VSTM2B: variants seen among roughly 807,000 people sequenced by gnomAD.
The protein encoded by VSTM2B is V-set and transmembrane domain-containing protein 2B.
VSTM2B carries 24 observed loss-of-function variants against 24.0 expected under a neutral mutation model. That is an observed-to-expected ratio of 1.00 (90% confidence interval 0.72 to 1.40). The LOEUF (loss-of-function observed/expected upper bound fraction) is 1.40. Ranked by LOEUF, VSTM2B falls within the 40% of genes most tolerant of loss-of-function variation. VSTM2B has a pLI of 0.00. For missense variants in VSTM2B, 399 were observed against 416.4 expected (o/e 0.96, Z 0.36); for synonymous variants, 226 against 194.4 (o/e 1.16, Z -1.35).
At chr19:29,544,718 C>T (rs990538844) in intron 4 of VSTM2B, among the ~76,000 whole-genome samples, 1 of 152,050 alleles carries the variant, frequency 6.6e-6, no homozygotes, top group African/African-American at 2.4e-5. Flanking sequence ...ACTCTTGCAG[C>T]CCTGGGCTCC....
chr19:29,552,471 G>T (rs578119849), intron 4 of VSTM2B, among the ~76,000 whole-genome samples: 1 of 152,202 alleles, frequency 6.6e-6, no homozygotes, highest in Non-Finnish European at 1.5e-5. Context: ...GCCGCATGGG[G>T]CAAGGGAAGC....
chr19:29,537,121 G>A (rs545721986), intron 4 of VSTM2B, among the ~76,000 whole-genome samples: 1 of 152,210 alleles, frequency 6.6e-6, no homozygotes, highest in South Asian at 2.1e-4. Flanking sequence ...CATAAGGGCT[G>A]CAGGGAAGTT....
chr19:29,558,845 A>C (rs1000290089), intron 4 of VSTM2B, among the ~76,000 whole-genome samples: 11 of 152,250 alleles, frequency 7.2e-5, no homozygotes, highest in African/African-American at 2.7e-4. Context: ...CACATCATGC[A>C]CAAGTGTCCC....
Position 29,552,734 on chromosome 19 carries a change from G to A in VSTM2B, c.770-11112G>A, listed in dbSNP as rs188131295. Among the ~76,000 whole-genome samples, 184 of 152,334 alleles carry A rather than the reference G, an allele frequency of 1.2e-3. No individual in the cohort carries two copies. In the Middle Eastern group the frequency reaches 0.02, roughly 17 times the overall value. ...GGCTAAGCTCCCAGGGGGAAGGGCAGCAGCCATCACTGCAGTTCCAGTCTG... is the reference window on the plus strand; with the variant it reads ...GGCTAAGCTCCCAGGGGGAAGGGCAACAGCCATCACTGCAGTTCCAGTCTG... On this transcript the variant is annotated intron_variant, in intron 4 of 4. Coordinates refer to ENST00000335523, the MANE Select transcript of VSTM2B (RefSeq NM_001146339.2).
chr19:29,530,187 G>A lies in VSTM2B; in HGVS notation c.666G>A (p.Ser222=). 1 of 1,490,794 alleles carries A rather than the reference G, an allele frequency of 6.7e-7. No individual in the cohort carries two copies. Among genetic ancestry groups the A allele is most frequent in the East Asian group, 2.9e-5 (1 of 34,738 alleles). The allele number at this position is 1,490,794 out of a possible 1,614,324, so 92.3% of individuals were successfully genotyped here. A position where few individuals can be genotyped will look rare whatever the true frequency, so the allele number is the denominator to read the frequency against. Residue 222 remains serine (S), a synonymous_variant, in exon 4 of 5, where the codon TCG becomes TCA. Transcript: ENST00000335523. Reference sequence around the variant, plus strand: ...CAGTCCCCGAGGCCGCGGCAGCCTCGGCGGCCCACACGCCCACCACCACAG... The same window carrying A: ...CAGTCCCCGAGGCCGCGGCAGCCTCAGCGGCCCACACGCCCACCACCACAG... ...DPAVPEAAAA[S]AAHTPTTTVA...
At chr19:29,562,313 G>A (rs1970547329) in intron 4 of VSTM2B, among the ~76,000 whole-genome samples, 1 of 152,208 alleles carries the variant, frequency 6.6e-6, no homozygotes, top group East Asian at 1.9e-4. Context: ...GAAGGACTAA[G>A]TGTGCTGCTA....
intron 4 of VSTM2B, among the ~76,000 whole-genome samples, chr19:29,557,457 G>A (rs569894118): frequency 6.6e-6 from 1 of 152,288 alleles, no homozygotes; most frequent in East Asian, 1.9e-4. Context: ...CAGCACTTTG[G>A]GAGACCAAGG....
At chr19:29,548,691 G>A (rs1027867151) in intron 4 of VSTM2B, among the ~76,000 whole-genome samples, 4 of 152,198 alleles carry the variant, frequency 2.6e-5, no homozygotes, top group African/African-American at 9.7e-5. Flanking sequence ...GATGCTCCCA[G>A]GGTGGGGCAG....
intron 4 of VSTM2B, among the ~76,000 whole-genome samples, chr19:29,561,071 G>T (rs1970512224): frequency 6.6e-6 from 1 of 152,174 alleles, no homozygotes; most frequent in African/African-American, 2.4e-5. Flanking sequence ...CAGCACTTTG[G>T]GAGGTCGAAG....
chr19:29,536,838 G>A (rs1378070381), intron 4 of VSTM2B, among the ~76,000 whole-genome samples: 1 of 152,140 alleles, frequency 6.6e-6, no homozygotes, highest in African/African-American at 2.4e-5. Context: ...TGAATATTAA[G>A]GATTCCCCAA....
chr19:29,548,678 C>T (rs1040477794), intron 4 of VSTM2B, among the ~76,000 whole-genome samples: 5 of 152,166 alleles, frequency 3.3e-5, no homozygotes, highest in Non-Finnish European at 7.3e-5. Flanking sequence ...GGAGATCCCG[C>T]CAGATGCTCC....
At chr19:29,529,438 A>G (rs901435025) in intron 3 of VSTM2B, among the ~76,000 whole-genome samples, 11 of 152,178 alleles carry the variant, frequency 7.2e-5, no homozygotes, top group African/African-American at 2.7e-4. Flanking sequence ...GAAGTTAAGG[A>G]ACAAGGAATC....
intron 4 of VSTM2B, among the ~76,000 whole-genome samples, chr19:29,559,439 G>A (rs10408546): frequency 0.088 from 13,324 of 152,078 alleles, 1,217 homozygotes; most frequent in African/African-American, 0.23. Flanking sequence ...GGAGGGGAAC[G>A]TCACACACTG....
chr19:29,549,774 C>T (rs1006168335), intron 4 of VSTM2B, among the ~76,000 whole-genome samples: 35 of 152,200 alleles, frequency 2.3e-4, no homozygotes, highest in African/African-American at 8.0e-4. Context: ...CAAGCCCCTG[C>T]AAACCCAGAG....
chr19:29,532,666 G>A (rs966197752), intron 4 of VSTM2B, among the ~76,000 whole-genome samples: 3 of 152,344 alleles, frequency 2.0e-5, no homozygotes, highest in Admixed American at 2.0e-4. Context: ...AAAATGAACA[G>A]GATAATCTCT....
intron 4 of VSTM2B, among the ~76,000 whole-genome samples, chr19:29,550,139 A>C (rs546846914): frequency 2.6e-5 from 4 of 152,232 alleles, no homozygotes; most frequent in Non-Finnish European, 5.9e-5. Context: ...GTTCTGACTA[A>C]AGATCTGTTA....
rs188639679 is a variant in VSTM2B at position 29,553,671 on chromosome 19, C to T, written c.770-10175C>T. ...TAACAAACTTTGCTGCACTAAGAGA[C>T]ATGAGAAAACATTACAGGAGCTGTT... On this transcript the variant is annotated intron_variant, in intron 4 of 4. Transcript: ENST00000335523. 4.9e-4 allele frequency among the ~76,000 whole-genome samples: 75 copies of T among 152,254 alleles called. 1 individual carries two copies. The East Asian group carries it at 0.012, about 25-fold the overall frequency.
At chr19:29,543,318 T>C (rs551151072) in intron 4 of VSTM2B, among the ~76,000 whole-genome samples, 2 of 152,374 alleles carry the variant, frequency 1.3e-5, no homozygotes, top group East Asian at 3.9e-4. Flanking sequence ...GCTAATTTCA[T>C]TTAATGAGCA....
chr19:29,535,370 G>A lies in VSTM2B; in HGVS notation c.769+5080G>A, dbSNP rs542276393. 3.5e-4 allele frequency among the ~76,000 whole-genome samples: 53 copies of A among 152,286 alleles called. 1 individual carries two copies. The highest frequency in any genetic ancestry group is 3.4e-3 in the Middle Eastern group (1 of 294). ...TGAATGGCTGGTGTGTTGGCCAGAGGTTCCCCTCTGCAGGGACGTTGGGAT... is the reference window on the plus strand; with the variant it reads ...TGAATGGCTGGTGTGTTGGCCAGAGATTCCCCTCTGCAGGGACGTTGGGAT... On this transcript the variant is annotated intron_variant, in intron 4 of 4. Transcript: ENST00000335523.
Sources: allele counts gnomAD v4.1 joint callset (sites outside exome capture counted in the v4.1 genomes callset), GRCh38; gene constraint gnomAD v4.1.1; transcripts MANE v1.5; gene names NCBI Gene and HGNC (gene_info 2026-07-23, HGNC 2026-07-21).